Variants in DOK6 observed in about 807,000 individuals in gnomAD.
DOK6 encodes docking protein 6.
A neutral mutation model predicts 44.0 loss-of-function variants in DOK6; 22 were observed. That is an observed-to-expected ratio of 0.50 (90% confidence interval 0.36 to 0.71). The LOEUF (loss-of-function observed/expected upper bound fraction) is 0.71. DOK6 is among the 30% of genes least tolerant of loss of function. DOK6 has a pLI of 0.00. For missense variants in DOK6, 340 were observed against 416.4 expected, an observed-to-expected ratio of 0.82 and a Z score of 1.60; for synonymous variants, 166 against 145.5, an observed-to-expected ratio of 1.14 and a Z score of -1.01.
intron 1 of DOK6, among the ~76,000 whole-genome samples, chr18:69,522,250 G>T (rs1599171845): frequency 6.6e-6 from 1 of 151,842 alleles, no homozygotes; most frequent in Middle Eastern, 3.4e-3. Flanking sequence ...ACACACACGA[G>T]TTACCCATTG....
chr18:69,593,698 T>C (rs932230012), intron 2 of DOK6, among the ~76,000 whole-genome samples: 2 of 152,182 alleles, frequency 1.3e-5, no homozygotes, highest in Admixed American at 6.5e-5. Flanking sequence ...TAGCTTATTT[T>C]GTCAATTTTT....
intron 1 of DOK6, among the ~76,000 whole-genome samples, chr18:69,508,865 G>T (rs1343584803): frequency 6.6e-6 from 1 of 152,210 alleles, no homozygotes; most frequent in Non-Finnish European, 1.5e-5. Flanking sequence ...GACAGAGTCT[G>T]ATGGAAAGCT....
At chr18:69,787,593 T>C (rs1460511477) in intron 7 of DOK6, among the ~76,000 whole-genome samples, 1 of 152,206 alleles carries the variant, frequency 6.6e-6, no homozygotes, top group East Asian at 1.9e-4. Flanking sequence ...TACAGTTTTT[T>C]TAATTGTTTA....
intron 1 of DOK6, among the ~76,000 whole-genome samples, chr18:69,405,256 T>C (rs1916181021): frequency 1.3e-5 from 2 of 152,184 alleles, no homozygotes; most frequent in Non-Finnish European, 2.9e-5. Context: ...CTCAACAGCT[T>C]TCCTCGGAGT....
intron 2 of DOK6, among the ~76,000 whole-genome samples, chr18:69,584,441 G>A (rs1044652680): frequency 6.6e-6 from 1 of 151,890 alleles, no homozygotes. Context: ...TACAGCTGTG[G>A]CCACCAGCCC....
chr18:69,629,341 T>C (rs1362498130), intron 3 of DOK6, among the ~76,000 whole-genome samples: 1 of 152,158 alleles, frequency 6.6e-6, no homozygotes, highest in East Asian at 1.9e-4. Context: ...AGATATCAAA[T>C]ATTATAGCTG....
At chr18:69,440,406 C>T (rs1979103178) in intron 1 of DOK6, among the ~76,000 whole-genome samples, 1 of 152,078 alleles carries the variant, frequency 6.6e-6, no homozygotes, top group Non-Finnish European at 1.5e-5. Context: ...AGGGTTGTCA[C>T]AGAATTTCAA....
At chr18:69,656,600 A>C (rs1402619750) in intron 3 of DOK6, among the ~76,000 whole-genome samples, 1 of 152,238 alleles carries the variant, frequency 6.6e-6, no homozygotes, top group African/African-American at 2.4e-5. Flanking sequence ...AAGTTGCTAA[A>C]TTTAAAGTAA....
At chr18:69,597,192 T>G (rs1983762963) in intron 2 of DOK6, among the ~76,000 whole-genome samples, 1 of 152,180 alleles carries the variant, frequency 6.6e-6, no homozygotes, top group African/African-American at 2.4e-5. Flanking sequence ...GATTTCTATA[T>G]TTCACTGGAA....
intron 3 of DOK6, among the ~76,000 whole-genome samples, chr18:69,629,102 G>C (rs1984627406): frequency 6.6e-6 from 1 of 152,186 alleles, no homozygotes; most frequent in Non-Finnish European, 1.5e-5. Flanking sequence ...AGGGAATGTT[G>C]GGGGTTTGCC....
intron 4 of DOK6, among the ~76,000 whole-genome samples, chr18:69,696,350 A>G (rs1599268770): frequency 6.6e-6 from 1 of 152,148 alleles, no homozygotes; most frequent in Admixed American, 6.5e-5. Flanking sequence ...TAAACATTCT[A>G]TGTTTTTAAC....
At chr18:69,552,475 G>A (rs1468768064) in intron 1 of DOK6, among the ~76,000 whole-genome samples, 3 of 152,080 alleles carry the variant, frequency 2.0e-5, no homozygotes, top group Non-Finnish European at 2.9e-5. Context: ...GAACCTGTTT[G>A]GAAATATTTA....
At chr18:69,802,552 T>TA (rs1259772665) in intron 7 of DOK6, among the ~76,000 whole-genome samples, 2 of 152,172 alleles carry the variant, frequency 1.3e-5, no homozygotes, top group Admixed American at 6.5e-5. Flanking sequence ...AAGGAGGGTC[T>TA]AGTGGGAGAT....
chr18:69,738,937 A>G, intron 5 of DOK6, 28 bp from the exon 6 acceptor site: 2 of 1,612,460 alleles, frequency 1.2e-6, no homozygotes, highest in East Asian at 2.2e-5. Context: ...ATGGAGACCC[A>G]TCTCTTTCCC....
chr18:69,598,769 T>C (rs1329761621), intron 2 of DOK6, among the ~76,000 whole-genome samples: 1 of 152,120 alleles, frequency 6.6e-6, no homozygotes. Context: ...CTACTAGATA[T>C]TTATTAATTG....
chr18:69,471,250 CAAAAAAAAAAA>C (rs71176969), intron 1 of DOK6, among the ~76,000 whole-genome samples: 47 of 27,782 alleles, frequency 1.7e-3, no homozygotes, highest in South Asian at 6.8e-3. Flanking sequence ...AACTCCATCT[CAAAAAAAAAAA>C]AAAAAAAAAA....
chr18:69,776,532 C>G (rs181961432), intron 7 of DOK6, among the ~76,000 whole-genome samples: 1 of 151,938 alleles, frequency 6.6e-6, no homozygotes, highest in African/African-American at 2.4e-5. Flanking sequence ...GACTTACATA[C>G]ACGTATTTAG....
chr18:69,666,643 T>C (rs914656349), intron 3 of DOK6, among the ~76,000 whole-genome samples: 1 of 152,186 alleles, frequency 6.6e-6, no homozygotes, highest in African/African-American at 2.4e-5. Context: ...TTATGGTGTT[T>C]TCCACATAGT....
intron 3 of DOK6, among the ~76,000 whole-genome samples, chr18:69,674,445 A>T (rs1214700513): frequency 6.6e-6 from 1 of 152,100 alleles, no homozygotes; most frequent in Non-Finnish European, 1.5e-5. Flanking sequence ...CTGTTACAGG[A>T]TGTCACTCTT....
Sources: allele counts gnomAD v4.1 joint callset (sites outside exome capture counted in the v4.1 genomes callset), GRCh38; gene constraint gnomAD v4.1.1; transcripts MANE v1.5; gene names NCBI Gene and HGNC (gene_info 2026-07-23, HGNC 2026-07-21).